The following MLIP variants were observed in gnomAD, a reference collection of about 807,000 sequenced individuals.
MLIP encodes muscular LMNA-interacting protein.
A neutral mutation model predicts 84.8 loss-of-function variants in MLIP; 79 were observed. That is an observed-to-expected ratio of 0.93 (90% CI 0.78 to 1.12). The LOEUF is 1.12. MLIP is among the 50% of genes most tolerant of loss of function. The pLI, the probability that MLIP is intolerant of heterozygous loss-of-function variation, is 0.00. For missense variants in MLIP, 1,257 were observed against 1,160.6 expected (o/e 1.08, Z -1.21); for synonymous variants, 504 against 463.0 (o/e 1.09, Z -1.14).
intron 5 of MLIP, among the ~76,000 whole-genome samples, chr6:54,150,162 T>C (rs1773291146): frequency 6.6e-6 from 1 of 152,166 alleles, no homozygotes; most frequent in South Asian, 2.1e-4. Flanking sequence ...GTAGGAATTG[T>C]TAGTGGAACA....
intron 4 of MLIP, among the ~76,000 whole-genome samples, chr6:54,147,046 T>C (rs925009310): frequency 2.0e-5 from 3 of 152,208 alleles, no homozygotes; most frequent in African/African-American, 7.2e-5. Flanking sequence ...TCACTCAAGC[T>C]TTTAGAATGG....
intron 4 of MLIP, among the ~76,000 whole-genome samples, chr6:54,146,566 GAATTTT>G (rs1772860819): frequency 6.6e-6 from 1 of 152,162 alleles, no homozygotes; most frequent in African/African-American, 2.4e-5. Flanking sequence ...ATGTAGGGGA[GAATTTT>G]GTACTAATTC....
chr6:54,063,145 T>G (rs1197567214), intron 1 of MLIP: 1 of 150,926 alleles, frequency 6.6e-6, no homozygotes, highest in Non-Finnish European at 1.5e-5. Flanking sequence ...GGTGGTTGCA[T>G]GAGCCAAGGT....
chr6:54,126,722 T>C (rs1180354421), intron 3 of MLIP, among the ~76,000 whole-genome samples: 12 of 152,052 alleles, frequency 7.9e-5, no homozygotes, highest in Admixed American at 7.9e-4. Flanking sequence ...TGAACTGTAA[T>C]GTACAAAGTC....
chr6:54,099,754 T>C (rs578226849), intron 1 of MLIP: 4 of 152,308 alleles, frequency 2.6e-5, no homozygotes, highest in South Asian at 2.1e-4. Context: ...AAAGTATTTA[T>C]GTTTTTAGAA....
At chr6:54,225,461 T>C (rs979600068) in intron 11 of MLIP, among the ~76,000 whole-genome samples, 2 of 152,200 alleles carry the variant, frequency 1.3e-5, no homozygotes, top group East Asian at 3.8e-4. Context: ...TGAAATGTCA[T>C]TATGCAGTTC....
At chr6:54,256,437 A>G (rs1385782603) in intron 12 of MLIP, among the ~76,000 whole-genome samples, 2 of 152,176 alleles carry the variant, frequency 1.3e-5, no homozygotes, top group African/African-American at 2.4e-5. Context: ...AATCATTTCA[A>G]TAGCCCTGGT....
intron 12 of MLIP, among the ~76,000 whole-genome samples, chr6:54,245,675 T>A (rs775245676): frequency 1.3e-5 from 2 of 152,174 alleles, no homozygotes; most frequent in South Asian, 2.1e-4. Flanking sequence ...ATTGTTTTTT[T>A]AAAAAAGTTT....
chr6:54,155,041 T>C (rs1245049395), intron 5 of MLIP, among the ~76,000 whole-genome samples: 1 of 152,156 alleles, frequency 6.6e-6, no homozygotes, highest in Non-Finnish European at 1.5e-5. Flanking sequence ...GGAACAAACA[T>C]TTAACTTTCC....
intron 9 of MLIP, among the ~76,000 whole-genome samples, chr6:54,183,600 T>A (rs925024266): frequency 2.6e-5 from 4 of 151,354 alleles, no homozygotes; most frequent in Admixed American, 2.0e-4. Flanking sequence ...ACCAACTATG[T>A]TCATGACAAG....
At chr6:54,244,011 G>A (rs180852350) in intron 12 of MLIP, among the ~76,000 whole-genome samples, 7 of 152,232 alleles carry the variant, frequency 4.6e-5, no homozygotes, top group Admixed American at 4.6e-4. Context: ...ACTTTGCAAA[G>A]GTTAGTGGCT....
chr6:54,035,047 A>G (rs1224527294), intron 1 of MLIP, among the ~76,000 whole-genome samples: 2 of 152,158 alleles, frequency 1.3e-5, no homozygotes, highest in Non-Finnish European at 2.9e-5. Flanking sequence ...AGCCTAGGAG[A>G]AACAGTCTAT....
intron 9 of MLIP, among the ~76,000 whole-genome samples, chr6:54,172,143 T>G (rs1264623574): frequency 6.6e-6 from 1 of 151,588 alleles, no homozygotes; most frequent in Non-Finnish European, 1.5e-5. Flanking sequence ...CTACTGAAAA[T>G]TCCTATTTCT....
chr6:54,200,670 A>G (rs1778616451), intron 10 of MLIP, among the ~76,000 whole-genome samples: 1 of 139,232 alleles, frequency 7.2e-6, no homozygotes, highest in South Asian at 2.2e-4. Context: ...TCTCATGTGT[A>G]TACTCTATGG....
Position 54,117,957 on chromosome 6 carries a change from A to T in MLIP, c.97-3490A>T, listed in dbSNP as rs1215379098. On this transcript the variant is annotated intron_variant, in intron 1 of 13. Transcript: ENST00000502396. ...GAGACTCTGTCTCAAAACAACAACA[A>T]CAACAACAACAGCAACAACAACAAC... Among the ~76,000 whole-genome samples, 9 of 133,814 alleles carry T rather than the reference A, an allele frequency of 6.7e-5. No individual in the cohort carries two copies. In the South Asian group the frequency reaches 1.4e-3, roughly 21 times the overall value. The allele number at this position is 133,814 out of a possible 152,430, so 87.8% of individuals were successfully genotyped here.
chr6:54,149,653 AC>A (rs1436326182), intron 5 of MLIP, among the ~76,000 whole-genome samples: 2 of 151,998 alleles, frequency 1.3e-5, no homozygotes, highest in Non-Finnish European at 2.9e-5. Flanking sequence ...AAACCTCTTC[AC>A]CCACCCATTC....
intron 1 of MLIP, among the ~76,000 whole-genome samples, chr6:54,059,396 AT>A (rs1765838250): frequency 6.6e-6 from 1 of 152,224 alleles, no homozygotes. Flanking sequence ...CCTGTGTGCC[AT>A]GCCATAATAA....
chr6:54,085,775 G>A (rs150740096), intron 1 of MLIP, among the ~76,000 whole-genome samples: 37 of 152,250 alleles, frequency 2.4e-4, no homozygotes, highest in South Asian at 4.1e-4. Flanking sequence ...ATCTATTCAC[G>A]CTCATTTTCC....
rs764276437 is a variant in MLIP, at chr6:54,260,864, C to T, written c.2976+3503C>T. On this transcript the variant is annotated intron_variant, in intron 13 of 13. Coordinates refer to ENST00000502396, the MANE Select transcript of MLIP (RefSeq NM_001281747.2). ...GGCTGGCATAGCATTTGGTGCAAGC[C>T]GAGTCTGGAGGCTTAGGGCATTCCA... 4.0e-5 allele frequency among the ~76,000 whole-genome samples: 6 copies of T among 151,836 alleles called. 1 individual carries two copies. Among genetic ancestry groups the T allele is most frequent in the African/African-American group, 7.3e-5 (3 of 41,342 alleles).
Sources: gnomAD v4.1 joint callset for allele counts (sites outside exome capture counted in the v4.1 genomes callset) on GRCh38, gnomAD v4.1.1 for gene constraint, MANE v1.5 for transcripts, NCBI Gene and HGNC (gene_info 2026-07-23, HGNC 2026-07-21) for gene names.